The following EFL1 variants were observed in gnomAD, a reference collection of about 807,000 sequenced individuals.
EFL1 encodes the protein elongation factor-like GTPase 1.
In EFL1, 76 loss-of-function variants were observed where a neutral mutation model predicts 126.7. The observed-to-expected ratio is 0.60, with a 90% CI of 0.50 to 0.73. The LOEUF (loss-of-function observed/expected upper bound fraction) is 0.73, where lower values mean the gene tolerates loss of function less well. Among genes scored for constraint, EFL1 ranks in the 30% least tolerant of loss-of-function variants. EFL1 has a pLI of 0.00. For missense variants in EFL1, 1,128 were observed against 1,343.2 expected, an observed-to-expected ratio of 0.84 and a Z score of 2.50; for synonymous variants, 410 against 448.4, an observed-to-expected ratio of 0.91 and a Z score of 1.08.
chr15:82,243,870 C>T lies in EFL1; in HGVS notation c.245-2467G>A, dbSNP rs148828605. On this transcript the variant is annotated intron_variant, in intron 4 of 19. Coordinates refer to ENST00000268206, the MANE Select transcript of EFL1 (RefSeq NM_024580.6). The stretch of plus-strand genomic sequence containing the variant: ...TAGAGATACACCAAGTGTTTCCACC[C>T]GACAATCTACATCCTAAAAAATAAG... Among the ~76,000 whole-genome samples the T allele has an allele frequency of 8.0e-4, 121 of 152,130 alleles. 1 individual carries two copies. The East Asian group carries it at 0.018, about 23-fold the overall frequency.
chr15:82,248,220 A>G (rs1425744150), intron 4 of EFL1, among the ~76,000 whole-genome samples: 2 of 152,082 alleles, frequency 1.3e-5, no homozygotes, highest in Non-Finnish European at 1.5e-5. Flanking sequence ...TCAACTGAAT[A>G]CTTCACAAAG....
At chr15:82,133,822 T>C (rs966656430) in intron 19 of EFL1, among the ~76,000 whole-genome samples, 4 of 152,106 alleles carry the variant, frequency 2.6e-5, no homozygotes, top group Non-Finnish European at 5.9e-5. Context: ...TGTTTCCTCA[T>C]ATGCGAGGAA....
At chr15:82,239,044 C>T (rs572058270) in intron 6 of EFL1, among the ~76,000 whole-genome samples, 1 of 152,320 alleles carries the variant, frequency 6.6e-6, no homozygotes, top group Admixed American at 6.5e-5. Flanking sequence ...CCTTCAAGTG[C>T]CCCACATCCC....
chr15:82,200,396 T>C (rs2074454598), intron 15 of EFL1, among the ~76,000 whole-genome samples: 1 of 152,214 alleles, frequency 6.6e-6, no homozygotes, highest in African/African-American at 2.4e-5. Context: ...GAGTCTTGCC[T>C]TCCCTTGGCA....
At chr15:82,243,672 T>C (rs925323582) in intron 4 of EFL1, among the ~76,000 whole-genome samples, 2 of 85,474 alleles carry the variant, frequency 2.3e-5, no homozygotes, top group African/African-American at 8.5e-5. Flanking sequence ...CATTTCAGGC[T>C]TCCTATACAA....
chr15:82,249,084 G>A (rs1299918212), intron 4 of EFL1, among the ~76,000 whole-genome samples: 1 of 151,962 alleles, frequency 6.6e-6, no homozygotes, highest in Non-Finnish European at 1.5e-5. Context: ...TGAACTGAGA[G>A]TGATTTTTAT....
At chr15:82,176,607 A>G (rs1405380471) in intron 15 of EFL1, among the ~76,000 whole-genome samples, 1 of 152,152 alleles carries the variant, frequency 6.6e-6, no homozygotes, top group Non-Finnish European at 1.5e-5. Flanking sequence ...TCACCAGCAA[A>G]ATCTACGTAA....
intron 17 of EFL1, among the ~76,000 whole-genome samples, chr15:82,156,516 C>G (rs1031074707): frequency 3.4e-4 from 52 of 152,182 alleles, no homozygotes; most frequent in Admixed American, 3.3e-3. Context: ...ATCTCCTGAC[C>G]TCGTGATCTG....
At chr15:82,234,574 C>T (rs1358243552) in intron 7 of EFL1, among the ~76,000 whole-genome samples, 1 of 151,894 alleles carries the variant, frequency 6.6e-6, no homozygotes, top group Non-Finnish European at 1.5e-5. Flanking sequence ...ACTGCCCTGC[C>T]CAAGACAAAA....
chr15:82,191,680 T>C (rs914390479), intron 15 of EFL1, among the ~76,000 whole-genome samples: 7 of 151,932 alleles, frequency 4.6e-5, no homozygotes, highest in Admixed American at 2.0e-4. Flanking sequence ...AATTACACTC[T>C]ATCCATACAT....
At chr15:82,133,907 C>T (rs536110129) in intron 19 of EFL1, among the ~76,000 whole-genome samples, 16 of 152,172 alleles carry the variant, frequency 1.1e-4, no homozygotes, top group African/African-American at 3.6e-4. Context: ...AGTGAGGAGT[C>T]GGGGGTTGGC....
At chr15:82,196,093 A>C (rs2074405361) in intron 15 of EFL1, among the ~76,000 whole-genome samples, 1 of 152,132 alleles carries the variant, frequency 6.6e-6, no homozygotes, top group Non-Finnish European at 1.5e-5. Context: ...ATCGTGGTAT[A>C]TTCAGGAGTG....
rs28480297 is a variant in EFL1, at chr15:82,214,683, T to C, written c.1750+34A>G. 2.7e-4 allele frequency: 351 copies of C among 1,313,862 alleles called. No homozygotes were observed. The African/African-American group carries it at 4.8e-3, about 18-fold the overall frequency. The allele number at this position is 1,313,862 out of a possible 1,614,324, so 81.4% of individuals were successfully genotyped here. A position where few individuals can be genotyped will look rare whatever the true frequency, so the allele number is the denominator to read the frequency against. On this transcript the variant is annotated intron_variant, in intron 15 of 19. Coordinates refer to ENST00000268206, the MANE Select transcript of EFL1 (RefSeq NM_024580.6). ...TGACATGTTAGATAATCTCCTAGAATGGAGTAAGGATAAAATAAACAGCAT... is the reference window on the plus strand; with the variant it reads ...TGACATGTTAGATAATCTCCTAGAACGGAGTAAGGATAAAATAAACAGCAT...
intron 18 of EFL1, among the ~76,000 whole-genome samples, chr15:82,149,605 A>G (rs2073886440): frequency 6.6e-6 from 1 of 152,234 alleles, no homozygotes; most frequent in African/African-American, 2.4e-5. Context: ...CAAATAAATT[A>G]TGTCCAAAAG....
intron 15 of EFL1, among the ~76,000 whole-genome samples, chr15:82,181,642 G>GTA (rs1382732857): frequency 4.0e-5 from 6 of 151,490 alleles, no homozygotes; most frequent in Non-Finnish European, 5.9e-5. Context: ...GTGTGTGTGT[G>GTA]TGTATATATA....
intron 19 of EFL1, 57 bp downstream of exon 19, chr15:82,138,601 G>A: frequency 1.3e-6 from 2 of 1,580,424 alleles, no homozygotes; most frequent in Non-Finnish European, 1.7e-6. Flanking sequence ...GGCCTCCTCT[G>A]TAGGGAATGT....
intron 15 of EFL1, among the ~76,000 whole-genome samples, chr15:82,191,304 A>C (rs1486773947): frequency 6.6e-6 from 1 of 152,220 alleles, no homozygotes; most frequent in Non-Finnish European, 1.5e-5. Context: ...TAAAAAAGAA[A>C]GTTTAAAGTT....
At chr15:82,248,507 A>G (rs1040943814) in intron 4 of EFL1, among the ~76,000 whole-genome samples, 5 of 152,176 alleles carry the variant, frequency 3.3e-5, no homozygotes, top group Non-Finnish European at 4.4e-5. Flanking sequence ...GCTGAAATCA[A>G]CACATGCGTA....
intron 8 of EFL1, among the ~76,000 whole-genome samples, chr15:82,229,425 A>G (rs1297164945): frequency 1.3e-5 from 2 of 152,210 alleles, no homozygotes; most frequent in African/African-American, 4.8e-5. Context: ...CACTCTGCAC[A>G]TGCGGGCTCT....
Sources: gnomAD v4.1 joint callset for allele counts (sites outside exome capture counted in the v4.1 genomes callset) on GRCh38, gnomAD v4.1.1 for gene constraint, MANE v1.5 for transcripts, NCBI Gene and HGNC (gene_info 2026-07-23, HGNC 2026-07-21) for gene names.